Variants in DLGAP1 observed in about 807,000 individuals in gnomAD.
DLGAP1 encodes the protein DLG associated protein 1.
In DLGAP1, 11 loss-of-function variants were observed where a neutral mutation model predicts 90.8. The ratio of observed to expected loss-of-function variants is 0.12; its 90% confidence interval spans 0.08 to 0.20. The LOEUF (loss-of-function observed/expected upper bound fraction) is 0.20, where lower values mean the gene tolerates loss of function less well. Ranked by LOEUF, DLGAP1 falls within the 10% of genes least tolerant of loss-of-function variation. The pLI is 1.00. For synonymous variants in DLGAP1, 558 were observed against 540.7 expected, an observed-to-expected ratio of 1.03 and a Z score of -0.44; for missense variants, 1,050 against 1,333.8, an observed-to-expected ratio of 0.79 and a Z score of 3.31.
intron 8 of DLGAP1, among the ~76,000 whole-genome samples, chr18:3,573,903 T>C (rs79462169): frequency 0.078 from 11,843 of 152,196 alleles, 764 homozygotes; most frequent in African/African-American, 0.16. Context: ...GGTCTCGTTA[T>C]GTTGCTTAAG....
At chr18:3,741,052 C>CCACCATCACCACCACCAT (rs2062924124) in intron 6 of DLGAP1, among the ~76,000 whole-genome samples, 1 of 121,116 alleles carries the variant, frequency 8.3e-6, no homozygotes, top group African/African-American at 3.3e-5. Context: ...CTCACCACCA[C>CCACCATCACCACCACCAT]CACCATCACC....
rs762416917 is a variant in DLGAP1, at chr18:3,567,607, G to A, written c.1966-26C>T. 3.8e-6 allele frequency: 6 copies of A among 1,589,138 alleles called. No homozygotes were observed. In the African/African-American group the frequency reaches 8.1e-5, roughly 21 times the overall value. ...CTGGAGAAATCATCAAATAAATAGA[G>A]TTGTTCCATTTCAGTCATCTTGCTT... On this transcript the variant is annotated intron_variant, in intron 8 of 12. Coordinates refer to ENST00000315677, the MANE Select transcript of DLGAP1 (RefSeq NM_004746.4).
chr18:3,635,418 C>T (rs1385442983), intron 7 of DLGAP1, among the ~76,000 whole-genome samples: 5 of 151,664 alleles, frequency 3.3e-5, no homozygotes, highest in South Asian at 2.1e-4. Context: ...GGATTACAGG[C>T]GTGAGCCACC....
At chr18:3,827,924 C>A (rs2067809490) in intron 4 of DLGAP1, among the ~76,000 whole-genome samples, 1 of 152,196 alleles carries the variant, frequency 6.6e-6, no homozygotes, top group Admixed American at 6.5e-5. Flanking sequence ...CACTGTTATT[C>A]ATCTTCATTC....
At chr18:3,599,683 G>A (rs550932634) in intron 7 of DLGAP1, among the ~76,000 whole-genome samples, 4 of 152,228 alleles carry the variant, frequency 2.6e-5, no homozygotes, top group South Asian at 2.1e-4. Flanking sequence ...GTAGTGGCGC[G>A]ATCTCGGCTC....
intron 7 of DLGAP1, among the ~76,000 whole-genome samples, chr18:3,640,536 C>G (rs1480513846): frequency 6.6e-6 from 1 of 152,218 alleles, no homozygotes; most frequent in African/African-American, 2.4e-5. Flanking sequence ...AAACCAAGCA[C>G]GTGGAGACAC....
At chr18:3,952,366 C>A (rs1025775436) in intron 3 of DLGAP1, among the ~76,000 whole-genome samples, 2 of 152,186 alleles carry the variant, frequency 1.3e-5, no homozygotes, top group Admixed American at 6.5e-5. Flanking sequence ...ACCCTATACT[C>A]TTGGGGGGAG....
At chr18:3,897,660 G>A (rs938093093) in intron 3 of DLGAP1, among the ~76,000 whole-genome samples, 1 of 151,482 alleles carries the variant, frequency 6.6e-6, no homozygotes, top group African/African-American at 2.4e-5. Context: ...GGCACTGAAA[G>A]TTTTACAAAA....
chr18:3,775,693 T>C lies in DLGAP1; in HGVS notation c.1173-33181A>G, dbSNP rs777543308. Reference sequence around the variant, plus strand: ...TAATCTGCCTTTTAAAAGTTGATTTTCAGCAAACCTTCAGAGGGTGAAGGG... The same window carrying C: ...TAATCTGCCTTTTAAAAGTTGATTTCCAGCAAACCTTCAGAGGGTGAAGGG... On this transcript the variant is annotated intron_variant, in intron 5 of 12. Coordinates refer to ENST00000315677, the MANE Select transcript of DLGAP1 (RefSeq NM_004746.4). The surrounding 1 kb of genome is among the most constrained non-coding windows in gnomAD (Gnocchi z 4.9). Among the ~76,000 whole-genome samples the C allele has an allele frequency of 2.0e-5, 3 of 152,234 alleles. No individual in the cohort carries two copies. Among genetic ancestry groups the C allele is most frequent in the Admixed American group, 6.5e-5 (1 of 15,278 alleles).
intron 4 of DLGAP1, among the ~76,000 whole-genome samples, chr18:3,826,992 G>T (rs2067754231): frequency 6.6e-6 from 1 of 152,180 alleles, no homozygotes; most frequent in South Asian, 2.1e-4. Context: ...TTTTTGACCT[G>T]ATCAGCTGGA....
intron 3 of DLGAP1, among the ~76,000 whole-genome samples, chr18:3,898,928 G>A (rs1436581792): frequency 2.6e-5 from 4 of 152,140 alleles, no homozygotes; most frequent in Admixed American, 6.5e-5. Flanking sequence ...GTAAAGTAAA[G>A]TAAAGGATTC....
At chr18:3,613,546 C>A (rs2057725181) in intron 7 of DLGAP1, among the ~76,000 whole-genome samples, 1 of 152,038 alleles carries the variant, frequency 6.6e-6, no homozygotes, top group Non-Finnish European at 1.5e-5. Flanking sequence ...CCTGTGTTGC[C>A]CAGGCTGGTC....
At chr18:3,917,321 G>A (rs2072167331) in intron 3 of DLGAP1, among the ~76,000 whole-genome samples, 1 of 152,186 alleles carries the variant, frequency 6.6e-6, no homozygotes, top group South Asian at 2.1e-4. Context: ...TTGCATTAGG[G>A]GCTGAGGACC....
intron 3 of DLGAP1, chr18:3,995,544 T>C (rs1312340408): frequency 6.6e-6 from 1 of 152,172 alleles, no homozygotes; most frequent in Non-Finnish European, 1.5e-5. Context: ...GTGAATAATA[T>C]GCATGTGGGC....
intron 7 of DLGAP1, chr18:3,603,794 A>G (rs115403710): frequency 0.011 from 1,642 of 154,392 alleles, 27 homozygotes; most frequent in African/African-American, 0.037. Flanking sequence ...CTCATTTACA[A>G]TCTCCCCCAG....
chr18:4,436,160 ACTGGTAATGATTTCTTG>A (rs1313501655), intron 1 of DLGAP1, among the ~76,000 whole-genome samples: 2 of 152,162 alleles, frequency 1.3e-5, no homozygotes, highest in Non-Finnish European at 2.9e-5. Flanking sequence ...TTAGGGAGAT[ACTGGTAATGATTTCTTG>A]CTTTAGGCAG....
At chr18:4,109,510 C>T (rs1309992827) in intron 2 of DLGAP1, among the ~76,000 whole-genome samples, 1 of 152,060 alleles carries the variant, frequency 6.6e-6, no homozygotes, top group East Asian at 1.9e-4. Flanking sequence ...TGTCCATTGG[C>T]TTTGGAGCTC....
intron 4 of DLGAP1, among the ~76,000 whole-genome samples, chr18:3,832,121 A>G (rs1301598712): frequency 6.6e-6 from 1 of 152,202 alleles, no homozygotes; most frequent in Non-Finnish European, 1.5e-5. Context: ...TGCATATAGA[A>G]ATAACCAGAA....
At chr18:4,184,776 T>C (rs2077264492) in intron 1 of DLGAP1, among the ~76,000 whole-genome samples, 1 of 152,094 alleles carries the variant, frequency 6.6e-6, no homozygotes, top group African/African-American at 2.4e-5. Context: ...CCCTGATACT[T>C]GTGCAAGTTA....
Sources: allele counts gnomAD v4.1 joint callset (sites outside exome capture counted in the v4.1 genomes callset), GRCh38; gene constraint gnomAD v4.1.1; non-coding constraint Gnocchi (gnomAD v3.1); transcripts MANE v1.5; gene names NCBI Gene and HGNC (gene_info 2026-07-23, HGNC 2026-07-21).